HIVEP2: variants seen among roughly 807,000 people sequenced by gnomAD.
HIVEP2 encodes the protein HIVEP zinc finger 2, also known as transcription factor HIVEP2.
Under a neutral mutation model 180.7 loss-of-function variants are expected in HIVEP2, and 14 were observed. The observed-to-expected ratio is 0.08, with a 90% CI of 0.05 to 0.12. HIVEP2 has a LOEUF of 0.12. HIVEP2 is among the 10% of genes least tolerant of loss of function. HIVEP2 has a pLI of 1.00. For synonymous variants in HIVEP2, 1,184 were observed against 1,136.4 expected (o/e 1.04, Z -0.84); for missense variants, 2,579 against 3,008.5 (o/e 0.86, Z 3.34).
chr6:142,774,501 C>G lies in HIVEP2; in HGVS notation c.238G>C (p.Ala80Pro). ...ASPSEVVQQV[A>P]EKQYPPHRPS... The stretch of plus-strand genomic sequence containing the variant: ...CGATGCGGTGGATATTGCTTCTCTG[C>G]GACTTGCTGCACCACTTCACTAGGG... The change falls in exon 5 of 10, where the codon GCA becomes CCA. Residue 80 changes from alanine to proline, a missense_variant. By Grantham distance (27) the Ala-to-Pro change is conservative. Transcript: ENST00000367603. This position sits in a 1 kb window ranked among gnomAD's most constrained non-coding sequence, Gnocchi z 5.1. 1 of 1,614,090 alleles carries G rather than the reference C, an allele frequency of 6.2e-7. No individual in the cohort carries two copies. Among genetic ancestry groups the G allele is most frequent in the Non-Finnish European group, 8.5e-7 (1 of 1,180,026 alleles).
intron 1 of HIVEP2, among the ~76,000 whole-genome samples, chr6:142,850,993 C>A (rs1406405986): frequency 1.3e-5 from 2 of 152,174 alleles, no homozygotes; most frequent in Non-Finnish European, 2.9e-5. Context: ...CAGTTTTATT[C>A]ATGTGATGAA....
chr6:142,938,771 A>G (rs1042140475), intron 1 of HIVEP2, among the ~76,000 whole-genome samples: 5 of 152,220 alleles, frequency 3.3e-5, no homozygotes, highest in Non-Finnish European at 5.9e-5. Context: ...AGTGCAAATA[A>G]TAAGAGCTTC....
intron 2 of HIVEP2, among the ~76,000 whole-genome samples, chr6:142,801,650 T>C (rs191413979): frequency 6.6e-6 from 1 of 152,208 alleles, no homozygotes; most frequent in African/African-American, 2.4e-5. Context: ...TGGGACTTGG[T>C]TTCCCATCTA....
At chr6:142,852,361 CAACA>C (rs1775705270) in intron 1 of HIVEP2, among the ~76,000 whole-genome samples, 1 of 151,946 alleles carries the variant, frequency 6.6e-6, no homozygotes, top group South Asian at 2.1e-4. Context: ...ATTATTTATT[CAACA>C]AACAATTGTG....
intron 1 of HIVEP2, among the ~76,000 whole-genome samples, chr6:142,908,846 C>A (rs1317066965): frequency 2.3e-5 from 3 of 127,846 alleles, no homozygotes; most frequent in Admixed American, 8.1e-5. Flanking sequence ...CTGTAAGATA[C>A]CACCTCTCAA....
At chr6:142,800,815 C>T (rs1473525767) in intron 2 of HIVEP2, among the ~76,000 whole-genome samples, 1 of 152,216 alleles carries the variant, frequency 6.6e-6, no homozygotes, top group Non-Finnish European at 1.5e-5. Flanking sequence ...TGTTGAGTGT[C>T]TCTCCCTAGG....
chr6:142,900,487 C>T (rs572222212), intron 1 of HIVEP2, among the ~76,000 whole-genome samples: 1 of 152,286 alleles, frequency 6.6e-6, no homozygotes, highest in South Asian at 2.1e-4. Context: ...AGAAAGCTGA[C>T]TACGGCTCTT....
At chr6:142,886,302 G>T (rs529087464) in intron 1 of HIVEP2, among the ~76,000 whole-genome samples, 32 of 152,182 alleles carry the variant, frequency 2.1e-4, no homozygotes, top group East Asian at 5.8e-4. Context: ...ACAAATTCTG[G>T]TTTTTTTAAA....
chr6:142,780,337 G>A (rs567655986), intron 3 of HIVEP2, among the ~76,000 whole-genome samples: 2 of 152,318 alleles, frequency 1.3e-5, no homozygotes, highest in East Asian at 1.9e-4. Flanking sequence ...GATCCACAAT[G>A]TCTAGTTTTT....
intron 2 of HIVEP2, among the ~76,000 whole-genome samples, chr6:142,814,849 T>A (rs1435638277): frequency 6.6e-6 from 1 of 152,172 alleles, no homozygotes; most frequent in Non-Finnish European, 1.5e-5. Flanking sequence ...TTGCAAAGTA[T>A]ATGGAGTAAC....
Position 142,785,309 on chromosome 6 carries a change from C to CAAAAAAAAAAAAAAAAAA in HIVEP2, c.-527-1712_-527-1695dup, listed in dbSNP as rs57458259. ...GGCTAAAGTAAAGCATGGCATTCCT[C>CAAAAAAAAAAAAAAAAAA]AAAAAAAAAAAAAAAAAAAAAAAAA... On this transcript the variant is annotated intron_variant, in intron 2 of 9. Coordinates refer to ENST00000367603, the MANE Select transcript of HIVEP2 (RefSeq NM_006734.4). Among the ~76,000 whole-genome samples, 5 of 65,392 alleles carry CAAAAAAAAAAAAAAAAAA rather than the reference C, an allele frequency of 7.6e-5. 1 individual carries two copies. The highest frequency in any genetic ancestry group is 1.3e-3 in the East Asian group (2 of 1,526). 42.9% of individuals were successfully genotyped at this position (65,392 alleles called of 152,430 possible). A position where few individuals can be genotyped will look rare whatever the true frequency, so the allele number is the denominator to read the frequency against.
At chr6:142,806,919 G>T (rs532248196) in intron 2 of HIVEP2, among the ~76,000 whole-genome samples, 2 of 152,234 alleles carry the variant, frequency 1.3e-5, no homozygotes, top group East Asian at 3.9e-4. Flanking sequence ...GCTGGCATTG[G>T]AACTAGGTAC....
In HIVEP2 at chr6:142,772,328, T is replaced by C. The variant is rs1349724954; in HGVS notation, c.2411A>G (p.His804Arg). The C allele has an allele frequency of 1.9e-6, 3 of 1,614,252 alleles. No homozygotes were observed. The highest frequency in any genetic ancestry group is 2.5e-6 in the Non-Finnish European group (3 of 1,180,042). Residue 804 changes from histidine (H) to arginine (R), a missense_variant, in exon 5 of 10, where the codon CAC (histidine) becomes CGC (arginine). Coordinates refer to ENST00000367603, the MANE Select transcript of HIVEP2 (RefSeq NM_006734.4). This position sits in a 1 kb window ranked among gnomAD's most constrained non-coding sequence, Gnocchi z 4.9. ...PPGNVISVIQ[H>R]TNSLSRPNSF... The stretch of plus-strand genomic sequence containing the variant: ...ATTGGGTCGGCTCAGTGAGTTGGTG[T>C]GCTGAATCACAGAAATCACATTTCC...
Position 142,771,302 on chromosome 6 carries a change from A to C in HIVEP2, c.3437T>G (p.Leu1146Arg), listed in dbSNP as rs1045925328. Reference protein sequence around the residue: ...GKQVAGPCPPLSSGPLHLAQP... With the variant: ...GKQVAGPCPPRSSGPLHLAQP... ...GGCCAGGTGCAGTGGCCCCGAGCTC[A>C]GCGGGGGACAAGGACCCGCCACCTG... is the stretch of plus-strand genomic sequence containing the variant. Residue 1146 changes from leucine (L) to arginine (R), a missense_variant, in exon 5 of 10, where the codon CTG becomes CGG. Physicochemically the swap from Leu to Arg is moderately radical, Grantham distance 102. This residue lies in a region of HIVEP2 where 523 missense variants were observed against 577.0 expected (regional missense o/e 0.91). Coordinates refer to ENST00000367603, the MANE Select transcript of HIVEP2 (RefSeq NM_006734.4). The surrounding 1 kb of genome is among the most constrained non-coding windows in gnomAD (Gnocchi z 5.4). 6.2e-7 allele frequency: 1 copy of C among 1,613,502 alleles called. No homozygotes were observed. The highest frequency in any genetic ancestry group is 8.5e-7 in the Non-Finnish European group (1 of 1,180,026).
intron 1 of HIVEP2, among the ~76,000 whole-genome samples, chr6:142,922,463 A>G (rs1325444462): frequency 6.6e-6 from 1 of 152,190 alleles, no homozygotes; most frequent in African/African-American, 2.4e-5. Flanking sequence ...TACTTCTAAA[A>G]TTTTAAAATA....
At chr6:142,841,996 T>TATCTTC (rs1775378476) in intron 1 of HIVEP2, among the ~76,000 whole-genome samples, 1 of 152,228 alleles carries the variant, frequency 6.6e-6, no homozygotes, top group African/African-American at 2.4e-5. Context: ...TTAAATAAAA[T>TATCTTC]ATCTTCATTT....
chr6:142,922,931 A>C (rs928900948), intron 1 of HIVEP2, among the ~76,000 whole-genome samples: 1 of 152,226 alleles, frequency 6.6e-6, no homozygotes. Flanking sequence ...TACTCTCCAG[A>C]AAACAAACAT....
chr6:142,938,585 C>T (rs1778107208), intron 1 of HIVEP2, among the ~76,000 whole-genome samples: 1 of 152,166 alleles, frequency 6.6e-6, no homozygotes, highest in South Asian at 2.1e-4. Flanking sequence ...CACAGAACAC[C>T]TATGGTTTTC....
At position 142,770,629 on chromosome 6, in the gene HIVEP2, A is replaced by T; in HGVS notation, c.4110T>A (p.Asp1370Glu). The T allele has an allele frequency of 6.2e-7, 1 of 1,612,948 alleles. No individual in the cohort carries two copies. Among genetic ancestry groups the T allele is most frequent in the Non-Finnish European group, 8.5e-7 (1 of 1,178,906 alleles). ...CCAGTGTCCTTTGGGTCATATTCTC[A>T]TCGACTTTGCATATGACAATGGCAG... is the stretch of plus-strand genomic sequence containing the variant. ...NSPAIVICKVDENMTQRTLVT... is the reference protein window; with the variant it reads ...NSPAIVICKVEENMTQRTLVT... Residue 1370 changes from aspartate (D) to glutamate (E), a missense_variant, in exon 5 of 10, where the codon GAT (aspartate) becomes GAA (glutamate). Asp to Glu is a conservative substitution (Grantham distance 45, BLOSUM62 2). Transcript: ENST00000367603. The surrounding 1 kb of genome is among the most constrained non-coding windows in gnomAD (Gnocchi z 4.7).
Sources: allele counts gnomAD v4.1 joint callset (sites outside exome capture counted in the v4.1 genomes callset), GRCh38; gene constraint gnomAD v4.1.1; regional missense constraint gnomAD v4.1.1; non-coding constraint Gnocchi (gnomAD v3.1); transcripts MANE v1.5; gene names NCBI Gene and HGNC (gene_info 2026-07-23, HGNC 2026-07-21).